Variants in UBXN7 observed in about 807,000 individuals in gnomAD.
UBXN7 encodes UBX domain protein 7.
UBXN7 carries 9 observed loss-of-function variants against 58.0 expected under a neutral mutation model. That is an observed-to-expected ratio of 0.16 (90% CI 0.09 to 0.27). UBXN7 has a LOEUF of 0.27. Among genes scored for constraint, UBXN7 ranks in the 10% least tolerant of loss-of-function variants. UBXN7 has a pLI of 1.00. For missense variants in UBXN7, 328 were observed against 599.6 expected (o/e 0.55, Z 4.73); for synonymous variants, 208 against 205.0 (o/e 1.01, Z -0.12).
intron 3 of UBXN7, among the ~76,000 whole-genome samples, chr3:196,397,956 A>G (rs897016622): frequency 2.0e-5 from 3 of 152,208 alleles, no homozygotes; most frequent in Admixed American, 1.3e-4. Context: ...GGCAGTGTCT[A>G]AGACAGCCCC....
In UBXN7 at chr3:196,387,826, C is replaced by T. The variant is rs1431104694; in HGVS notation, c.468+3987G>A. ...TGGAGAGGATGTAGAGAAATAGGGA[C>T]GCTTTTACACTGTTGGTGGGAGTGT... On this transcript the variant is annotated intron_variant, in intron 5 of 10. Transcript: ENST00000296328. Among the ~76,000 whole-genome samples, 20 of 152,184 alleles carry T rather than the reference C, an allele frequency of 1.3e-4. 1 individual carries two copies. The highest frequency in any genetic ancestry group is 8.3e-4 in the South Asian group (4 of 4,826).
chr3:196,411,734 T>G (rs1933802593), intron 1 of UBXN7, among the ~76,000 whole-genome samples: 2 of 151,866 alleles, frequency 1.3e-5, no homozygotes, highest in South Asian at 4.1e-4. Flanking sequence ...TCGCTTAACC[T>G]GGGAGGCGGA....
At chr3:196,405,469 CA>C (rs57818110) in intron 2 of UBXN7, among the ~76,000 whole-genome samples, 65,463 of 116,498 alleles carry the variant, frequency 0.56, 15,485 homozygotes, top group East Asian at 0.87. Flanking sequence ...GACTCCGTCT[CA>C]AAAAAAAAAA....
chr3:196,427,313 C>T (rs910372655), intron 1 of UBXN7, among the ~76,000 whole-genome samples: 51 of 152,150 alleles, frequency 3.4e-4, no homozygotes, highest in African/African-American at 1.2e-3. Context: ...GTGCTCGCTT[C>T]AGCAGCACAT....
At chr3:196,399,411 T>C (rs1729887570) in intron 3 of UBXN7, among the ~76,000 whole-genome samples, 1 of 152,148 alleles carries the variant, frequency 6.6e-6, no homozygotes, top group Non-Finnish European at 1.5e-5. Flanking sequence ...GTGTTGAGAT[T>C]ACAGGTGTAA....
intron 6 of UBXN7, 102 bp downstream of exon 6, chr3:196,371,790 CCTTT>C: frequency 7.0e-7 from 1 of 1,433,042 alleles, no homozygotes. Context: ...GCCGGCTTTA[CCTTT>C]TTTTAAATGT....
At chr3:196,358,564 C>T (rs1465827833) in intron 10 of UBXN7, among the ~76,000 whole-genome samples, 1 of 152,090 alleles carries the variant, frequency 6.6e-6, no homozygotes, top group African/African-American at 2.4e-5. Flanking sequence ...AGTGAGAACC[C>T]TTCTCTACAA....
intron 6 of UBXN7, among the ~76,000 whole-genome samples, chr3:196,371,482 G>GTTTGT (rs1325634685): frequency 6.6e-6 from 1 of 152,020 alleles, no homozygotes; most frequent in Non-Finnish European, 1.5e-5. Flanking sequence ...AGTACAGTTT[G>GTTTGT]TTTGTTTTGT....
At chr3:196,383,999 A>G (rs1004532105) in intron 5 of UBXN7, among the ~76,000 whole-genome samples, 1 of 152,252 alleles carries the variant, frequency 6.6e-6, no homozygotes, top group Non-Finnish European at 1.5e-5. Context: ...CAAAAAATCA[A>G]TGAATCCAAG....
chr3:196,373,413 A>G (rs530848708), intron 5 of UBXN7, among the ~76,000 whole-genome samples: 1 of 152,338 alleles, frequency 6.6e-6, no homozygotes, highest in East Asian at 1.9e-4. Context: ...AGTGGAAAAC[A>G]ATGGCAGAAA....
At chr3:196,385,572 G>T (rs1231552538) in intron 5 of UBXN7, among the ~76,000 whole-genome samples, 1 of 151,450 alleles carries the variant, frequency 6.6e-6, no homozygotes, top group African/African-American at 2.4e-5. Context: ...CCTCGGCCCG[G>T]CAGTGACCCC....
intron 3 of UBXN7, among the ~76,000 whole-genome samples, chr3:196,402,148 G>A (rs576104270): frequency 1.4e-4 from 22 of 152,260 alleles, no homozygotes; most frequent in African/African-American, 5.1e-4. Flanking sequence ...AGCCTCCTAA[G>A]TAGCTGGGAT....
intron 3 of UBXN7, 93 bp downstream of exon 3, chr3:196,402,859 C>G: frequency 7.3e-7 from 1 of 1,372,210 alleles, no homozygotes; most frequent in Non-Finnish European, 1.0e-6. Context: ...ACACTTCTAA[C>G]AGTCTCCTAG....
Position 196,348,304 on chromosome 3 carries a change from CACT to C in UBXN7, c.*8378_*8380del, listed in dbSNP as rs1728132077. 1 of 152,112 alleles carries C rather than the reference CACT, an allele frequency of 6.6e-6. No individual in the cohort carries two copies. The highest frequency in any genetic ancestry group is 1.5e-5 in the Non-Finnish European group (1 of 68,046). 9.4% of individuals were successfully genotyped at this position (152,112 alleles called of 1,614,324 possible). ...AACAATCCCAAAGACTTCTTCCCACCACTGAGAAGAGCTGCAGAAATCAACGGT... is the reference window on the plus strand; with the variant it reads ...AACAATCCCAAAGACTTCTTCCCACCGAGAAGAGCTGCAGAAATCAACGGT... On this transcript the variant is annotated 3_prime_UTR_variant, in exon 11 of 11. Transcript: ENST00000296328.
chr3:196,363,247 C>CATAA (rs201767419), intron 8 of UBXN7, among the ~76,000 whole-genome samples: 1 of 78,448 alleles, frequency 1.3e-5, no homozygotes, highest in African/African-American at 5.3e-5. Flanking sequence ...TACATACATA[C>CATAA]ATAAATATAT....
chr3:196,366,110 C>G (rs1160426260), intron 8 of UBXN7, among the ~76,000 whole-genome samples: 1 of 152,066 alleles, frequency 6.6e-6, no homozygotes, highest in Non-Finnish European at 1.5e-5. Context: ...GCCAGGAGTT[C>G]GAGACCATCC....
intron 3 of UBXN7, 106 bp from the exon 4 acceptor site, chr3:196,393,725 T>G: frequency 1.8e-6 from 2 of 1,088,264 alleles, no homozygotes; most frequent in Non-Finnish European, 2.6e-6. Flanking sequence ...TATGAAACCC[T>G]TCACGAACTG....
At chr3:196,384,593 T>G (rs1343196851) in intron 5 of UBXN7, among the ~76,000 whole-genome samples, 6 of 152,184 alleles carry the variant, frequency 3.9e-5, no homozygotes, top group Non-Finnish European at 7.3e-5. Context: ...ATGAAAAAGC[T>G]TATCCACCAT....
intron 7 of UBXN7, among the ~76,000 whole-genome samples, chr3:196,369,049 C>T (rs577435988): frequency 3.3e-5 from 5 of 152,092 alleles, no homozygotes; most frequent in Non-Finnish European, 5.9e-5. Context: ...TGGTCTGGAT[C>T]GCCTGACCTC....
Sources: allele counts gnomAD v4.1 joint callset (sites outside exome capture counted in the v4.1 genomes callset), GRCh38; gene constraint gnomAD v4.1.1; transcripts MANE v1.5; gene names NCBI Gene and HGNC (gene_info 2026-07-23, HGNC 2026-07-21).